The following USP46 variants were observed in gnomAD, a reference collection of about 807,000 sequenced individuals.
USP46 encodes the protein ubiquitin specific peptidase 46, also known as ubiquitin carboxyl-terminal hydrolase 46.
USP46 carries 12 observed loss-of-function variants against 44.4 expected under a neutral mutation model. The ratio of observed to expected loss-of-function variants is 0.27; its 90% CI spans 0.17 to 0.44. The LOEUF is 0.44. Among genes scored for constraint, USP46 ranks in the 20% least tolerant of loss-of-function variants. USP46 has a pLI of 1.00. For missense variants in USP46, 248 were observed against 444.8 expected (o/e 0.56, Z 3.98); for synonymous variants, 155 against 161.5 (o/e 0.96, Z 0.31).
rs1260617619 is a variant in USP46, at chr4:52,597,474, T to C, written c.*166A>G. 3.4e-6 allele frequency: 2 copies of C among 594,990 alleles called. No homozygotes were observed. Among genetic ancestry groups the C allele is most frequent in the African/African-American group, 1.9e-5 (1 of 52,418 alleles). 36.9% of individuals were successfully genotyped at this position (594,990 alleles called of 1,614,324 possible). ...CAGACTGAAATAAAACCAAGAGTAG[T>C]GCTGCATGTAAAAACACAAAAGGAG... is the stretch of plus-strand genomic sequence containing the variant. On this transcript the variant is annotated 3_prime_UTR_variant, in exon 9 of 9. Coordinates refer to ENST00000441222, the MANE Select transcript of USP46 (RefSeq NM_022832.4).
intron 2 of USP46, among the ~76,000 whole-genome samples, chr4:52,629,956 A>C (rs1367045871): frequency 6.6e-6 from 1 of 152,252 alleles, no homozygotes; most frequent in Non-Finnish European, 1.5e-5. Context: ...TATCATGGGC[A>C]GCATTTACTT....
chr4:52,658,198 C>T (rs915726522), intron 1 of USP46: 1 of 455,562 alleles, frequency 2.2e-6, no homozygotes. Context: ...CAATGCCTTA[C>T]TCCAATCTGA....
At chr4:52,617,519 T>C (rs1293319844) in intron 4 of USP46, among the ~76,000 whole-genome samples, 2 of 152,210 alleles carry the variant, frequency 1.3e-5, no homozygotes, top group South Asian at 2.1e-4. Context: ...AAACTGCTAC[T>C]AGAATTAGAG....
chr4:52,611,881 C>A (rs899215321), intron 4 of USP46, among the ~76,000 whole-genome samples: 1 of 152,002 alleles, frequency 6.6e-6, no homozygotes, highest in Non-Finnish European at 1.5e-5. Context: ...CACAGTGAGA[C>A]CCTGTCTCAA....
chr4:52,656,335 G>C, intron 1 of USP46: 1 of 1,551,082 alleles, frequency 6.4e-7, no homozygotes, highest in East Asian at 2.4e-5. Flanking sequence ...TCTAAAGAGA[G>C]GTCCAGTTAA....
intron 5 of USP46, among the ~76,000 whole-genome samples, chr4:52,608,732 C>T (rs1009898736): frequency 1.3e-5 from 2 of 152,192 alleles, no homozygotes; most frequent in Admixed American, 1.3e-4. Flanking sequence ...TAAATCTTCC[C>T]GGGTGATTCC....
At chr4:52,613,598 T>A (rs951834106) in intron 4 of USP46, among the ~76,000 whole-genome samples, 1 of 151,696 alleles carries the variant, frequency 6.6e-6, no homozygotes, top group African/African-American at 2.4e-5. Context: ...GGCAGGCGCC[T>A]GTAATCCCAG....
Position 52,632,985 on chromosome 4 carries a change from AAAAGAAAAGAAAGAAAG to A in USP46, c.37-1858_37-1842del, listed in dbSNP as rs1717950357. Reference sequence around the variant, plus strand: ...GAAAGAAAGAAAGAAAGAAAGAAAGAAAAGAAAAGAAAGAAAGAAAGAAAGAAAGAAAGAAAGAAAGA... The same window carrying A: ...GAAAGAAAGAAAGAAAGAAAGAAAGAAAAGAAAGAAAGAAAGAAAGAAAGA... On this transcript the variant is annotated intron_variant, in intron 1 of 8. Coordinates refer to ENST00000441222, the MANE Select transcript of USP46 (RefSeq NM_022832.4). 5.0e-3 allele frequency among the ~76,000 whole-genome samples: 268 copies of A among 53,292 alleles called. 16 individuals are homozygous for A. The highest frequency in any genetic ancestry group is 0.02 in the African/African-American group (238 of 12,104). The allele number at this position is 53,292 out of a possible 152,430, so 35.0% of individuals were successfully genotyped here.
At chr4:52,625,143 T>A (rs1167340375) in intron 4 of USP46, among the ~76,000 whole-genome samples, 2 of 152,134 alleles carry the variant, frequency 1.3e-5, no homozygotes, top group Admixed American at 1.3e-4. Flanking sequence ...CAGTAGTAGT[T>A]ATAATAAAAA....
At chr4:52,650,411 G>C (rs1252989887) in intron 1 of USP46, among the ~76,000 whole-genome samples, 2 of 152,158 alleles carry the variant, frequency 1.3e-5, no homozygotes, top group African/African-American at 4.8e-5. Flanking sequence ...TAAATACAAA[G>C]TAAAGTATAA....
intron 1 of USP46, among the ~76,000 whole-genome samples, chr4:52,652,721 T>A (rs1288549602): frequency 6.6e-6 from 1 of 152,032 alleles, no homozygotes; most frequent in African/African-American, 2.4e-5. Context: ...AGTAAAAATA[T>A]AAAAATATAC....
chr4:52,602,064 CAAGA>C lies in USP46; in HGVS notation c.723-14_723-11del. 1.2e-6 allele frequency: 2 copies of C among 1,606,870 alleles called. No individual in the cohort carries two copies. The highest frequency in any genetic ancestry group is 1.7e-6 in the Non-Finnish European group (2 of 1,176,060). The stretch of plus-strand genomic sequence containing the variant: ...CTTTTTTACCCTCATCCTAAGAAAC[CAAGA>C]AATAGAAAATCAGTTGTACCCAACA... On this transcript the variant is annotated splice_polypyrimidine_tract_variant and intron_variant, in intron 6 of 8. Coordinates refer to ENST00000441222, the MANE Select transcript of USP46 (RefSeq NM_022832.4).
At chr4:52,597,786 T>G (rs1716304233) in intron 8 of USP46, 45 bp from the exon 9 acceptor site, 1 of 1,361,170 alleles carries the variant, frequency 7.3e-7, no homozygotes. Context: ...TTAACATGAT[T>G]CCTGGGGAAA....
Position 52,602,002 on chromosome 4 carries a change from T to C in USP46, c.775A>G (p.Lys259Glu). ...TATCTGTGCAGCTGCTCCATGTACT[T>C]GAACCGCTTTAGGTGCAGGGCCAAG... ...MILALHLKRF[K>E]YMEQLHRYTK... Residue 259 changes from lysine to glutamate, a missense_variant, in exon 7 of 9, where the codon AAG (lysine) becomes GAG (glutamate). By Grantham distance (56) the Lys-to-Glu change is moderately conservative. Around this residue, in one of 5 missense-constraint regions of USP46, gnomAD observed 98 missense variants for 218.2 expected, o/e 0.45. Coordinates refer to ENST00000441222, the MANE Select transcript of USP46 (RefSeq NM_022832.4). The C allele has an allele frequency of 6.2e-7, 1 of 1,613,968 alleles. No homozygotes were observed. Among genetic ancestry groups the C allele is most frequent in the Non-Finnish European group, 8.5e-7 (1 of 1,179,870 alleles).
At chr4:52,635,889 G>A (rs1199623428) in intron 1 of USP46, among the ~76,000 whole-genome samples, 4 of 152,164 alleles carry the variant, frequency 2.6e-5, no homozygotes, top group Admixed American at 2.0e-4. Flanking sequence ...GGAGAAGTGG[G>A]GGTGGAGGAT....
At chr4:52,623,377 A>C (rs1371392760) in intron 4 of USP46, among the ~76,000 whole-genome samples, 2 of 152,240 alleles carry the variant, frequency 1.3e-5, no homozygotes, top group African/African-American at 4.8e-5. Context: ...AAAACACATG[A>C]AATATGTTAA....
chr4:52,619,348 A>T (rs1311413735), intron 4 of USP46, among the ~76,000 whole-genome samples: 1 of 152,198 alleles, frequency 6.6e-6, no homozygotes. Context: ...GAAAGCATGA[A>T]GGCTGGCAAA....
chr4:52,592,730 T>C lies in USP46; in HGVS notation c.*4910A>G. On this transcript the variant is annotated 3_prime_UTR_variant, in exon 9 of 9. Coordinates refer to ENST00000441222, the MANE Select transcript of USP46 (RefSeq NM_022832.4). ...GGCACATGCCTGTAGTCCCAGCTAC[T>C]TGGGAGGCTGAGGCAGAAGAATCGC... 1 of 395,944 alleles carries C rather than the reference T, an allele frequency of 2.5e-6. No individual in the cohort carries two copies. The allele number at this position is 395,944 out of a possible 1,614,324, so 24.5% of individuals were successfully genotyped here.
chr4:52,652,682 A>G (rs1718808973), intron 1 of USP46, among the ~76,000 whole-genome samples: 1 of 152,222 alleles, frequency 6.6e-6, no homozygotes, highest in African/African-American at 2.4e-5. Context: ...AAAATACACT[A>G]TATCTAGTTT....
Sources: gnomAD v4.1 joint callset for allele counts (sites outside exome capture counted in the v4.1 genomes callset) on GRCh38, gnomAD v4.1.1 for gene constraint, gnomAD v4.1.1 regional missense constraint, MANE v1.5 for transcripts, NCBI Gene and HGNC (gene_info 2026-07-23, HGNC 2026-07-21) for gene names.